Variants in BNIPL observed in about 807,000 individuals in gnomAD.
The protein encoded by BNIPL is bcl-2/adenovirus E1B 19 kDa-interacting protein 2-like protein.
A neutral mutation model predicts 47.0 loss-of-function variants in BNIPL; 33 were observed. The ratio of observed to expected loss-of-function variants is 0.70; its 90% CI spans 0.53 to 0.94. BNIPL has a LOEUF of 0.94. BNIPL is among the 40% of genes least tolerant of loss of function. The pLI, the probability that BNIPL is intolerant of heterozygous loss-of-function variation, is 0.00. For synonymous variants in BNIPL, 145 were observed against 162.7 expected, an observed-to-expected ratio of 0.89 and a Z score of 0.83; for missense variants, 404 against 445.2, an observed-to-expected ratio of 0.91 and a Z score of 0.83.
In BNIPL at chr1:151,043,363, C is replaced by A; in HGVS notation, c.648C>A (p.Ile216=). The A allele has an allele frequency of 1.2e-6, 2 of 1,611,794 alleles. No individual in the cohort carries two copies. Among genetic ancestry groups the A allele is most frequent in the Admixed American group, 1.7e-5 (1 of 60,012 alleles). Residue 216 remains isoleucine (I), a synonymous_variant, in exon 6 of 10, where the codon ATC becomes ATA. Transcript: ENST00000368931. ...GYHGDGLNAV[I]LFASCYLPRS... The stretch of plus-strand genomic sequence containing the variant: ...ACGGTGATGGCCTCAATGCTGTCAT[C>A]CTTTTTGCTTCCTGTTATCTACCCA...
Position 151,046,099 on chromosome 1 carries a change from A to G in BNIPL, c.971A>G (p.Asp324Gly). ...TTCACACGAAAAATCCGTTTTCTGG[A>G]CAGCCTGGGGGAGCTGGCCCAACTC... ...SKFTRKIRFLDSLGELAQLIS... is the reference protein window; with the variant it reads ...SKFTRKIRFLGSLGELAQLIS... The change falls in exon 9 of 10, where the codon GAC becomes GGC. Residue 324 changes from aspartate to glycine, a missense_variant. Asp to Gly is a moderately conservative substitution (Grantham distance 94). Coordinates refer to ENST00000368931, the MANE Select transcript of BNIPL (RefSeq NM_138278.4). 1 of 1,614,158 alleles carries G rather than the reference A, an allele frequency of 6.2e-7. No homozygotes were observed. The highest frequency in any genetic ancestry group is 8.5e-7 in the Non-Finnish European group (1 of 1,180,042).
intron 2 of BNIPL, among the ~76,000 whole-genome samples, chr1:151,038,000 C>CAAA (rs58423611): frequency 3.1e-5 from 2 of 63,970 alleles, no homozygotes; most frequent in Admixed American, 2.0e-4. Context: ...AACTCTGTCT[C>CAAA]AAAAAAAAAA....
chr1:151,038,671 C>T, intron 3 of BNIPL, 103 bp downstream of exon 3: 1 of 1,579,836 alleles, frequency 6.3e-7, no homozygotes. Context: ...TTTCCCAAAT[C>T]TCCCCTGCGT....
chr1:151,037,128 T>C (rs1007318728), intron 1 of BNIPL, among the ~76,000 whole-genome samples: 1 of 152,178 alleles, frequency 6.6e-6, no homozygotes, highest in African/African-American at 2.4e-5. Flanking sequence ...GGCAAATCTT[T>C]CTCCTTACCT....
intron 3 of BNIPL, 57 bp downstream of exon 3, chr1:151,038,625 T>C: frequency 6.3e-7 from 1 of 1,598,846 alleles, no homozygotes; most frequent in African/African-American, 1.3e-5. Context: ...TAAAGGGCTA[T>C]GCCACCTCTA....
chr1:151,045,584 G>C (rs11204766), intron 7 of BNIPL: 48,866 of 568,930 alleles, frequency 0.086, 2,515 homozygotes, highest in African/African-American at 0.15. Context: ...AAAAAATCTT[G>C]AGAGTTTTTT....
At chr1:151,037,429 A>T in intron 1 of BNIPL, 138 bp from the exon 2 acceptor site, 1 of 1,387,816 alleles carries the variant, frequency 7.2e-7, no homozygotes, top group Non-Finnish European at 9.4e-7. Flanking sequence ...TAAGAGAAGC[A>T]TCTGTATAGG....
At chr1:151,043,573 TC>T (rs1459969319) in intron 6 of BNIPL, 22 bp from the exon 7 acceptor site, 32 of 1,603,680 alleles carry the variant, frequency 2.0e-5, no homozygotes, top group Non-Finnish European at 2.6e-5. Context: ...ACACATACCT[TC>T]CCTGCAATTT....
chr1:151,046,178 C>A lies in BNIPL; in HGVS notation c.1037+13C>A. 6.2e-7 allele frequency: 1 copy of A among 1,613,976 alleles called. No homozygotes were observed. The highest frequency in any genetic ancestry group is 8.5e-7 in the Non-Finnish European group (1 of 1,179,986). On this transcript the variant is annotated intron_variant, in intron 9 of 9. Transcript: ENST00000368931. ...AAGCTGTCAGACAGTGAGTTTCACACTTAAGAATAAAGCCTTGGGGTGGGA... is the reference window on the plus strand; with the variant it reads ...AAGCTGTCAGACAGTGAGTTTCACAATTAAGAATAAAGCCTTGGGGTGGGA...
rs1676079995 is a variant in BNIPL, at chr1:151,047,717, C to T, written c.*1030C>T. On this transcript the variant is annotated 3_prime_UTR_variant, in exon 10 of 10. Coordinates refer to ENST00000368931, the MANE Select transcript of BNIPL (RefSeq NM_138278.4). The stretch of plus-strand genomic sequence containing the variant: ...GGCCCGCGCGAGCGCGCCTGCGCGT[C>T]GAACCCCACCCCCTTCCCCGCGGGC... 7.2e-7 allele frequency: 1 copy of T among 1,395,474 alleles called. No homozygotes were observed. Among genetic ancestry groups the T allele is most frequent in the Admixed American group, 3.3e-5 (1 of 30,206 alleles). The allele number at this position is 1,395,474 out of a possible 1,614,324, so 86.4% of individuals were successfully genotyped here.
At chr1:151,037,359 C>T in intron 1 of BNIPL, 1 of 1,289,198 alleles carries the variant, frequency 7.8e-7, no homozygotes, top group East Asian at 3.3e-5. Context: ...CTTTACATTC[C>T]ATCTTTCGTC....
intron 4 of BNIPL, among the ~76,000 whole-genome samples, chr1:151,039,948 G>A (rs779164818): frequency 9.2e-5 from 14 of 151,950 alleles, no homozygotes; most frequent in African/African-American, 2.7e-4. Flanking sequence ...ATGGGGTTTC[G>A]CCATGTTGGC....
chr1:151,043,474 G>T (rs767270789), intron 6 of BNIPL, 40 bp downstream of exon 6: 48 of 1,558,672 alleles, frequency 3.1e-5, no homozygotes, highest in Non-Finnish European at 4.1e-5. Context: ...GCAGTGTTAG[G>T]GAGGGAAAAG....
rs760562538 is a variant in BNIPL at position 151,038,590 on chromosome 1, C to T, written c.202+22C>T. 6 of 1,609,294 alleles carry T rather than the reference C, an allele frequency of 3.7e-6. No homozygotes were observed. In the African/African-American group the frequency reaches 5.3e-5, roughly 14 times the overall value. ...GCAGGTAGGTCAAGTAGAAACCAGG[C>T]CTCAAGTTCTTGATTCTAGTCCAGT... On this transcript the variant is annotated intron_variant, in intron 3 of 9. Coordinates refer to ENST00000368931, the MANE Select transcript of BNIPL (RefSeq NM_138278.4).
intron 9 of BNIPL, among the ~76,000 whole-genome samples, chr1:151,046,372 A>C (rs1486156352): frequency 1.3e-5 from 2 of 152,178 alleles, no homozygotes; most frequent in East Asian, 3.9e-4. Context: ...AAAAAAAAAA[A>C]AAACCTATAC....
rs1571832210 is a variant in BNIPL, at chr1:151,036,645, A to G, written c.-81A>G. 7.9e-7 allele frequency: 1 copy of G among 1,265,968 alleles called. No individual in the cohort carries two copies. Among genetic ancestry groups the G allele is most frequent in the African/African-American group, 1.5e-5 (1 of 67,960 alleles). The allele number at this position is 1,265,968 out of a possible 1,614,324, so 78.4% of individuals were successfully genotyped here. A position where few individuals can be genotyped will look rare whatever the true frequency, so the allele number is the denominator to read the frequency against. ...ACAACAGCTGAGACAGAAAAGAGGT[A>G]AGGAAGTGTTGGGGGCTGGGACAAC... On this transcript the variant is annotated 5_prime_UTR_variant, in exon 1 of 10. Coordinates refer to ENST00000368931, the MANE Select transcript of BNIPL (RefSeq NM_138278.4).
Position 151,037,557 on chromosome 1 carries a change from G to A in BNIPL, c.42-10G>A. On this transcript the variant is annotated splice_polypyrimidine_tract_variant and intron_variant, in intron 1 of 9. Transcript: ENST00000368931. ...TTCCCTTGATCTTTTCTTCTTGGGG[G>A]CTGTCTTAGGGTCAGGGAGATTGCA... 6.3e-7 allele frequency: 1 copy of A among 1,596,316 alleles called. No homozygotes were observed. The highest frequency in any genetic ancestry group is 8.5e-7 in the Non-Finnish European group (1 of 1,171,122).
chr1:151,046,536 C>A, intron 9 of BNIPL, 115 bp from the exon 10 acceptor site: 1 of 965,966 alleles, frequency 1.0e-6, no homozygotes, highest in Non-Finnish European at 1.6e-6. Flanking sequence ...TAAATGATGA[C>A]TCAACCCAAT....
At chr1:151,037,974 T>G (rs1394437131) in intron 2 of BNIPL, among the ~76,000 whole-genome samples, 1 of 111,894 alleles carries the variant, frequency 8.9e-6, no homozygotes, top group Non-Finnish European at 1.6e-5. Flanking sequence ...CACCCGAGCT[T>G]GGGCAACAAG....
Sources: gnomAD v4.1 joint callset for allele counts (sites outside exome capture counted in the v4.1 genomes callset) on GRCh38, gnomAD v4.1.1 for gene constraint, MANE v1.5 for transcripts, NCBI Gene and HGNC (gene_info 2026-07-23, HGNC 2026-07-21) for gene names.